ADAM12: variants seen among roughly 807,000 people sequenced by gnomAD.
ADAM12 encodes the protein disintegrin and metalloproteinase domain-containing protein 12.
ADAM12 carries 70 observed loss-of-function variants against 106.4 expected under a neutral mutation model. That is an observed-to-expected ratio of 0.66 (90% CI 0.54 to 0.80). The LOEUF (loss-of-function observed/expected upper bound fraction) is 0.80. ADAM12 is among the 30% of genes least tolerant of loss of function. The pLI is 0.00. For synonymous variants in ADAM12, 420 were observed against 433.5 expected, an observed-to-expected ratio of 0.97 and a Z score of 0.39; for missense variants, 1,010 against 1,171.9, an observed-to-expected ratio of 0.86 and a Z score of 2.02.
chr10:126,377,260 G>C (rs1856326492), intron 1 of ADAM12, among the ~76,000 whole-genome samples: 1 of 152,148 alleles, frequency 6.6e-6, no homozygotes, highest in Non-Finnish European at 1.5e-5. Flanking sequence ...AACTAATAGA[G>C]AGGTATATAA....
At chr10:126,069,977 G>A (rs1954954683) in intron 12 of ADAM12, among the ~76,000 whole-genome samples, 1 of 152,234 alleles carries the variant, frequency 6.6e-6, no homozygotes, top group East Asian at 1.9e-4. Flanking sequence ...GAGAGTTCAT[G>A]GCTTCATGAA....
At chr10:126,237,241 T>C (rs767689726) in intron 3 of ADAM12, among the ~76,000 whole-genome samples, 17 of 152,250 alleles carry the variant, frequency 1.1e-4, no homozygotes, top group Non-Finnish European at 2.4e-4. Context: ...CTGTTAGAAC[T>C]CTATGGGAAT....
rs146466144 is a variant in ADAM12, at chr10:126,102,138, G to A, written c.742-897C>T. 1.0e-3 allele frequency among the ~76,000 whole-genome samples: 155 copies of A among 152,264 alleles called. 1 individual carries two copies. The highest frequency in any genetic ancestry group is 3.6e-3 in the African/African-American group (149 of 41,548). On this transcript the variant is annotated intron_variant, in intron 8 of 22. Transcript: ENST00000448723. ...GTCTCATAGGAGTTCAGAGGGCCAG[G>A]ATGAGCGGTCAGGGTAGAGGTATGA...
intron 11 of ADAM12, among the ~76,000 whole-genome samples, chr10:126,075,026 C>T (rs180860809): frequency 1.8e-4 from 27 of 152,276 alleles, no homozygotes; most frequent in Non-Finnish European, 2.5e-4. Context: ...CTTGCTCAGG[C>T]GACCCAGCAA....
intron 5 of ADAM12, among the ~76,000 whole-genome samples, chr10:126,121,518 T>C (rs998548731): frequency 1.4e-5 from 2 of 143,186 alleles, no homozygotes; most frequent in African/African-American, 2.5e-5. Context: ...GAAAATTATA[T>C]ATTATATAAT....
chr10:126,063,007 G>A (rs975891144), intron 14 of ADAM12, among the ~76,000 whole-genome samples: 7 of 152,322 alleles, frequency 4.6e-5, no homozygotes, highest in South Asian at 2.1e-4. Context: ...TGTGTATAGC[G>A]AGTACTGGCT....
chr10:126,023,625 A>G (rs922226995), intron 21 of ADAM12, among the ~76,000 whole-genome samples: 1 of 152,226 alleles, frequency 6.6e-6, no homozygotes, highest in African/African-American at 2.4e-5. Context: ...ATCTTCTAGA[A>G]GTAAATACAT....
chr10:126,206,856 G>GT, intron 3 of ADAM12, among the ~76,000 whole-genome samples: 1 of 44,084 alleles, frequency 2.3e-5, no homozygotes, highest in African/African-American at 5.5e-5. Context: ...ATGTGTTGTG[G>GT]GGGCGGGGGG....
intron 11 of ADAM12, among the ~76,000 whole-genome samples, chr10:126,089,344 G>A (rs1403861211): frequency 6.6e-6 from 1 of 152,138 alleles, no homozygotes; most frequent in Non-Finnish European, 1.5e-5. Flanking sequence ...GTGGAGCGTG[G>A]CGTGATGAGC....
intron 2 of ADAM12, among the ~76,000 whole-genome samples, chr10:126,323,182 T>C (rs760618741): frequency 7.9e-5 from 12 of 152,224 alleles, no homozygotes; most frequent in African/African-American, 1.4e-4. Context: ...TGGAAGCTAA[T>C]GTAAAATAGA....
At chr10:126,346,119 G>A (rs887220140) in intron 1 of ADAM12, among the ~76,000 whole-genome samples, 1 of 152,098 alleles carries the variant, frequency 6.6e-6, no homozygotes, top group Non-Finnish European at 1.5e-5. Context: ...ATGTTAAGGT[G>A]TCAATTTTAG....
intron 2 of ADAM12, among the ~76,000 whole-genome samples, chr10:126,292,463 T>C (rs192441367): frequency 1.6e-3 from 251 of 152,334 alleles, no homozygotes; most frequent in African/African-American, 5.1e-3. Flanking sequence ...CTGTATATTG[T>C]TCCCTGAGCT....
intron 3 of ADAM12, among the ~76,000 whole-genome samples, chr10:126,207,931 C>A (rs1037318456): frequency 7.2e-5 from 11 of 152,150 alleles, no homozygotes; most frequent in African/African-American, 2.7e-4. Context: ...TAGTAGACAG[C>A]CAGCCTTGCA....
chr10:126,281,782 C>A (rs1959595116), intron 2 of ADAM12, among the ~76,000 whole-genome samples: 1 of 152,136 alleles, frequency 6.6e-6, no homozygotes, highest in Admixed American at 6.5e-5. Flanking sequence ...TTATTGAATG[C>A]TTAAAGAACT....
intron 18 of ADAM12, chr10:126,042,350 G>A: frequency 7.3e-7 from 1 of 1,377,892 alleles, no homozygotes; most frequent in South Asian, 1.4e-5. Flanking sequence ...AGGAGAAATG[G>A]CCACGAGTTC....
At chr10:126,370,191 G>T (rs1856061682) in intron 1 of ADAM12, among the ~76,000 whole-genome samples, 1 of 152,146 alleles carries the variant, frequency 6.6e-6, no homozygotes, top group Non-Finnish European at 1.5e-5. Context: ...GAAAGAAGCT[G>T]AATTAGAGGA....
In ADAM12 at chr10:126,388,214, C is replaced by G; in HGVS notation, c.-69G>C. The G allele has an allele frequency of 8.4e-7, 1 of 1,194,468 alleles. No homozygotes were observed. The highest frequency in any genetic ancestry group is 4.2e-5 in the South Asian group (1 of 23,998). 74.0% of individuals were successfully genotyped at this position (1,194,468 alleles called of 1,614,324 possible). ...GCGCTGCACCATCCCACGCGGGCGC[C>G]GAGCCGGGGCCGGGCGTCGCGACCG... On this transcript the variant is annotated 5_prime_UTR_variant, in exon 1 of 23. Coordinates refer to ENST00000448723, the MANE Select transcript of ADAM12 (RefSeq NM_001288973.2). This position sits in a 1 kb window ranked among gnomAD's most constrained non-coding sequence, Gnocchi z 4.4.
intron 1 of ADAM12, among the ~76,000 whole-genome samples, chr10:126,354,431 G>A (rs1662701450): frequency 7.4e-6 from 1 of 135,480 alleles, no homozygotes; most frequent in African/African-American, 2.8e-5. Flanking sequence ...TACTGCACAT[G>A]GTATCTGGCA....
At position 126,049,578 on chromosome 10, in the gene ADAM12, A is replaced by G. The variant is rs778014211; in HGVS notation, c.1701T>C (p.Phe567=). 6.2e-7 allele frequency: 1 copy of G among 1,614,220 alleles called. No individual in the cohort carries two copies. Among genetic ancestry groups the G allele is most frequent in the Admixed American group, 1.7e-5 (1 of 60,032 alleles). ...TTCCATACCTCATCTCGCATTTGGC[A>G]AAGGAACTCTTCGAGACTTTGCCAC... The part of the protein sequence containing the change: ...GNCGKVSKSS[F]AKCEMRDAKC... The change falls in exon 15 of 23, where the codon TTT becomes TTC. Residue 567 remains phenylalanine (F), a synonymous_variant. Coordinates refer to ENST00000448723, the MANE Select transcript of ADAM12 (RefSeq NM_001288973.2). The surrounding 1 kb of genome is among the most constrained non-coding windows in gnomAD (Gnocchi z 4.4).
Sources: gnomAD v4.1 joint callset for allele counts (sites outside exome capture counted in the v4.1 genomes callset) on GRCh38, gnomAD v4.1.1 for gene constraint, Gnocchi (gnomAD v3.1) non-coding constraint, MANE v1.5 for transcripts, NCBI Gene and HGNC (gene_info 2026-07-23, HGNC 2026-07-21) for gene names.